ITCH: variants seen among roughly 807,000 people sequenced by gnomAD.
The protein encoded by ITCH is E3 ubiquitin-protein ligase Itchy homolog.
In ITCH, 28 loss-of-function variants were observed where a neutral mutation model predicts 126.8. That is an observed-to-expected ratio of 0.22 (90% confidence interval 0.16 to 0.30). The LOEUF is 0.30. ITCH is among the 10% of genes least tolerant of loss of function. ITCH has a pLI of 1.00. For missense variants in ITCH, 631 were observed against 1,032.4 expected, an observed-to-expected ratio of 0.61 and a Z score of 5.33; for synonymous variants, 342 against 340.0, an observed-to-expected ratio of 1.01 and a Z score of -0.06.
chr20:34,489,856 A>G lies in ITCH; in HGVS notation c.2249A>G (p.Asn750Ser). ...LLCGMQEIDL[N>S]DWQRHAIYRH... is the part of the protein sequence containing the mutation. ...TGTGGAATGCAAGAGATTGATTTGA[A>G]TGACTGGCAAAGACATGCCATCTAC... The change falls in exon 22 of 25, where the codon AAT (asparagine) becomes AGT (serine). Residue 750 changes from asparagine (N) to serine (S), a missense_variant. Asn to Ser is a conservative substitution (Grantham distance 46). Around this residue, in one of 4 missense-constraint regions of ITCH, gnomAD observed 390 missense variants for 731.6 expected, o/e 0.53. Coordinates refer to ENST00000374864, the MANE Select transcript of ITCH (RefSeq NM_031483.7). The G allele has an allele frequency of 1.2e-6, 2 of 1,613,940 alleles. No individual in the cohort carries two copies. Among genetic ancestry groups the G allele is most frequent in the South Asian group, 1.1e-5 (1 of 91,084 alleles).
intron 15 of ITCH, 150 bp downstream of exon 15, chr20:34,470,270 A>ATT (rs1987490689): frequency 2.7e-6 from 2 of 752,282 alleles, no homozygotes; most frequent in Non-Finnish European, 4.8e-6. Flanking sequence ...GCAAATAAAT[A>ATT]GATTTATCAA....
chr20:34,364,890 CAAAAAAAA>C (rs1234445956), intron 1 of ITCH, among the ~76,000 whole-genome samples: 1 of 42,492 alleles, frequency 2.4e-5, no homozygotes, highest in Admixed American at 3.0e-4. Context: ...GACTCCGCCT[CAAAAAAAA>C]AAAAAAAAAA....
intron 6 of ITCH, chr20:34,417,313 C>A: frequency 2.5e-6 from 1 of 397,232 alleles, no homozygotes; most frequent in East Asian, 5.0e-5. Flanking sequence ...GCCAGGCTGG[C>A]TTTGAACTCC....
At chr20:34,496,783 A>G (rs1989912030) in intron 23 of ITCH, among the ~76,000 whole-genome samples, 2 of 149,570 alleles carry the variant, frequency 1.3e-5, no homozygotes, top group Admixed American at 1.3e-4. Flanking sequence ...AGCCTGGGCA[A>G]GAAGAGCAAC....
chr20:34,476,531 AT>A, intron 16 of ITCH: 1 of 1,034,686 alleles, frequency 9.7e-7, no homozygotes, highest in Non-Finnish European at 1.2e-6. Flanking sequence ...ACCTTGTGAC[AT>A]TTCTCATTTG....
intron 20 of ITCH, among the ~76,000 whole-genome samples, chr20:34,481,609 G>C (rs1265175060): frequency 6.6e-6 from 1 of 152,140 alleles, no homozygotes; most frequent in Non-Finnish European, 1.5e-5. Context: ...GTTCCACGAG[G>C]GTGGGGAGGC....
chr20:34,365,632 C>G (rs2122942365), intron 1 of ITCH, among the ~76,000 whole-genome samples: 1 of 152,140 alleles, frequency 6.6e-6, no homozygotes, highest in African/African-American at 2.4e-5. Flanking sequence ...GGCTAGGCTG[C>G]TCTCGAACTC....
intron 2 of ITCH, among the ~76,000 whole-genome samples, chr20:34,378,004 G>A (rs2037910400): frequency 6.6e-6 from 1 of 150,952 alleles, no homozygotes; most frequent in African/African-American, 2.4e-5. Context: ...ATTTTGTTCT[G>A]TTTATACTTC....
chr20:34,467,914 G>C (rs1987236755), intron 14 of ITCH, among the ~76,000 whole-genome samples: 1 of 151,806 alleles, frequency 6.6e-6, no homozygotes, highest in Non-Finnish European at 1.5e-5. Flanking sequence ...GTGACAGAGT[G>C]ACATTCCATG....
chr20:34,430,342 G>A (rs1015253109), intron 7 of ITCH, among the ~76,000 whole-genome samples: 4 of 152,134 alleles, frequency 2.6e-5, no homozygotes, highest in Non-Finnish European at 5.9e-5. Flanking sequence ...ATACAAGTAA[G>A]TGCTTAGCCA....
chr20:34,366,048 G>A (rs546610136), intron 1 of ITCH, among the ~76,000 whole-genome samples: 370 of 152,230 alleles, frequency 2.4e-3, no homozygotes, highest in Non-Finnish European at 4.4e-3. Flanking sequence ...AACCCACATT[G>A]GGTCTTACAT....
intron 14 of ITCH, among the ~76,000 whole-genome samples, chr20:34,467,869 G>A (rs1400902606): frequency 6.6e-6 from 1 of 151,532 alleles, no homozygotes; most frequent in African/African-American, 2.4e-5. Flanking sequence ...ATTTTTAGTA[G>A]AGATGAGGTT....
intron 5 of ITCH, among the ~76,000 whole-genome samples, chr20:34,412,867 A>G (rs528797639): frequency 6.6e-6 from 1 of 152,330 alleles, no homozygotes; most frequent in African/African-American, 2.4e-5. Flanking sequence ...TTTACTTAGT[A>G]AATAGATATT....
chr20:34,365,529 C>T (rs1312257322), intron 1 of ITCH, among the ~76,000 whole-genome samples: 1 of 152,046 alleles, frequency 6.6e-6, no homozygotes, highest in Non-Finnish European at 1.5e-5. Context: ...ATTCTTCTGC[C>T]TCAGCCTCCG....
In ITCH at chr20:34,371,272, ACTT is replaced by A. The variant is rs1365016527; in HGVS notation, c.-22+1809_-22+1811del. ...GTATATATCCAAAGGAAATAAAATCACTTCTTCTTTTTTTTTTTTTTTTTTTTT... is the reference window on the plus strand; with the variant it reads ...GTATATATCCAAAGGAAATAAAATCACTTCTTTTTTTTTTTTTTTTTTTTT... On this transcript the variant is annotated intron_variant, in intron 2 of 24. Coordinates refer to ENST00000374864, the MANE Select transcript of ITCH (RefSeq NM_031483.7). 3.5e-3 allele frequency among the ~76,000 whole-genome samples: 474 copies of A among 134,728 alleles called. 3 individuals carry two copies. The highest frequency in any genetic ancestry group is 0.024 in the South Asian group (102 of 4,284). The allele number at this position is 134,728 out of a possible 152,430, so 88.4% of individuals were successfully genotyped here.
chr20:34,374,010 A>G (rs1204026952), intron 2 of ITCH, among the ~76,000 whole-genome samples: 3 of 151,904 alleles, frequency 2.0e-5, no homozygotes, highest in African/African-American at 7.3e-5. Flanking sequence ...TCAGCCTCCC[A>G]TGTAGCTGGG....
intron 4 of ITCH, among the ~76,000 whole-genome samples, chr20:34,409,066 T>C (rs948154527): frequency 4.0e-5 from 6 of 151,526 alleles, no homozygotes; most frequent in African/African-American, 7.3e-5. Flanking sequence ...AGAGAGCCCA[T>C]GGTCACGGAC....
chr20:34,370,759 C>A (rs1434150422), intron 2 of ITCH, among the ~76,000 whole-genome samples: 1 of 151,126 alleles, frequency 6.6e-6, no homozygotes, highest in Non-Finnish European at 1.5e-5. Flanking sequence ...CAAGACAGAT[C>A]ACTTTAAAAG....
At position 34,413,751 on chromosome 20, in the gene ITCH, T is replaced by A. The variant is rs1339798251; in HGVS notation, c.347T>A (p.Val116Glu). 1.2e-6 allele frequency: 2 copies of A among 1,604,818 alleles called. No individual in the cohort carries two copies. Among genetic ancestry groups the A allele is most frequent in the Non-Finnish European group, 8.5e-7 (1 of 1,175,338 alleles). ...CTTTATTTTCTTCCAGTTGAAGAAG[T>A]AGTTGTGACTTTGCAGCTTGGAGGT... ...LKSNNMKLEE[V>E]VVTLQLGGDK... The change falls in exon 6 of 25, where the codon GTA (valine) becomes GAA (glutamate). Residue 116 changes from valine to glutamate, a missense_variant. Physicochemically the swap from Val to Glu is moderately radical, Grantham distance 121. This residue lies in a region of ITCH where 220 missense variants were observed against 265.7 expected (regional missense o/e 0.83). Coordinates refer to ENST00000374864, the MANE Select transcript of ITCH (RefSeq NM_031483.7).
Sources: allele counts gnomAD v4.1 joint callset (sites outside exome capture counted in the v4.1 genomes callset), GRCh38; gene constraint gnomAD v4.1.1; regional missense constraint gnomAD v4.1.1; transcripts MANE v1.5; gene names NCBI Gene and HGNC (gene_info 2026-07-23, HGNC 2026-07-21).